Variants in CATSPERG observed in about 807,000 individuals in gnomAD.
CATSPERG encodes catsper channel auxiliary subunit gamma.
Under a neutral mutation model 145.0 loss-of-function variants are expected in CATSPERG, and 115 were observed. That is an observed-to-expected ratio of 0.79 (90% CI 0.68 to 0.93). The LOEUF (loss-of-function observed/expected upper bound fraction) is 0.93, where lower values mean the gene tolerates loss of function less well. Among genes scored for constraint, CATSPERG ranks in the 40% least tolerant of loss-of-function variants. The pLI is 0.00. For missense variants in CATSPERG, 1,296 were observed against 1,490.1 expected, an observed-to-expected ratio of 0.87 and a Z score of 2.14; for synonymous variants, 588 against 589.0, an observed-to-expected ratio of 1.00 and a Z score of 0.02.
chr19:38,345,164 C>T (rs1970019372), intron 6 of CATSPERG, among the ~76,000 whole-genome samples: 2 of 149,984 alleles, frequency 1.3e-5, no homozygotes, highest in African/African-American at 2.5e-5. Context: ...TACGATCTTG[C>T]CTCATTGTAA....
At chr19:38,364,139 G>T (rs1387187176) in intron 20 of CATSPERG, among the ~76,000 whole-genome samples, 3 of 151,892 alleles carry the variant, frequency 2.0e-5, no homozygotes, top group Non-Finnish European at 2.9e-5. Context: ...GGCCTGGCGG[G>T]GGCTGACCCC....
intron 7 of CATSPERG, 27 bp downstream of exon 7, chr19:38,346,632 C>T (rs773703930): frequency 1.8e-5 from 28 of 1,530,846 alleles, no homozygotes; most frequent in South Asian, 7.2e-5. Context: ...AGATGGTGGG[C>T]GGGGCGTCTT....
rs747830095 is a variant in CATSPERG at position 38,370,040 on chromosome 19, T to A, written c.3089T>A (p.Phe1030Tyr). The stretch of plus-strand genomic sequence containing the variant: ...CAAGGCATCTTTGCCCCTGAATTCT[T>A]CTTCAAGGTGTTGGTGAGCAATAGG... ...VPQGIFAPEF[F>Y]FKVLVSNRGV... is the part of the protein sequence containing the mutation. Residue 1030 changes from phenylalanine to tyrosine, a missense_variant, in exon 27 of 29, where the codon TTC (phenylalanine) becomes TAC (tyrosine). Phe to Tyr is a conservative substitution (Grantham distance 22). Transcript: ENST00000409235. 2 of 1,614,216 alleles carry A rather than the reference T, an allele frequency of 1.2e-6. No individual in the cohort carries two copies. Among genetic ancestry groups the A allele is most frequent in the Non-Finnish European group, 8.5e-7 (1 of 1,180,040 alleles).
At chr19:38,354,686 G>A in intron 8 of CATSPERG, 24 bp from the exon 9 acceptor site, 2 of 1,612,126 alleles carry the variant, frequency 1.2e-6, no homozygotes, top group South Asian at 2.2e-5. Flanking sequence ...ACCTGGGTCT[G>A]AGGCCCCATA....
chr19:38,345,162 T>A (rs1306478249), intron 6 of CATSPERG, among the ~76,000 whole-genome samples: 10 of 151,434 alleles, frequency 6.6e-5, no homozygotes, highest in Non-Finnish European at 1.3e-4. Context: ...GGTACGATCT[T>A]GCCTCATTGT....
rs780689309 is a variant in CATSPERG, at chr19:38,358,505, C to T, written c.1440C>T (p.Ile480=). The stretch of plus-strand genomic sequence containing the variant: ...GCACTGCAATGGCCCCCAAGGGCAT[C>T]TTCTGTAACCCGTACAACAATCTGA... ...YTSTAMAPKG[I]FCNPYNNLIF... is the part of the protein sequence containing the mutation. Residue 480 remains isoleucine, a synonymous_variant, in exon 13 of 29, where the codon ATC becomes ATT. Transcript: ENST00000409235. The T allele has an allele frequency of 1.2e-6, 2 of 1,614,228 alleles. No homozygotes were observed. The highest frequency in any genetic ancestry group is 1.7e-6 in the Non-Finnish European group (2 of 1,180,042).
intron 25 of CATSPERG, 87 bp from the exon 26 acceptor site, chr19:38,367,961 G>A: frequency 1.5e-6 from 2 of 1,303,644 alleles, no homozygotes; most frequent in Non-Finnish European, 2.2e-6. Flanking sequence ...GCACCCACCT[G>A]TGGCCTCCCT....
At chr19:38,358,647 G>A (rs1192961307) in intron 13 of CATSPERG, 86 bp downstream of exon 13, 3 of 1,536,430 alleles carry the variant, frequency 2.0e-6, no homozygotes, top group Non-Finnish European at 1.8e-6. Flanking sequence ...GCCCAGGCTA[G>A]GCAAGTCTCA....
rs1231526722 is a variant in CATSPERG at position 38,354,848 on chromosome 19, G to A, written c.1135+1G>A. The A allele has an allele frequency of 6.2e-7, 1 of 1,613,738 alleles. No homozygotes were observed. The highest frequency in any genetic ancestry group is 8.5e-7 in the Non-Finnish European group (1 of 1,179,888). ...TATGTACACTTCGGGACCATCAGAG[G>A]TAAGGGTGTGGGCCTCTGTCAGCCC... is the stretch of plus-strand genomic sequence containing the variant. On this transcript the variant is annotated splice_donor_variant, in intron 9 of 28. Coordinates refer to ENST00000409235, the MANE Select transcript of CATSPERG (RefSeq NM_021185.5). LOFTEE classifies it high-confidence loss of function.
intron 6 of CATSPERG, among the ~76,000 whole-genome samples, chr19:38,346,195 G>T (rs188926005): frequency 3.0e-4 from 46 of 152,288 alleles, no homozygotes; most frequent in Middle Eastern, 3.4e-3. Flanking sequence ...AGTTCATCAG[G>T]AGAAACAGCA....
chr19:38,345,053 T>G (rs1253871535), intron 6 of CATSPERG, among the ~76,000 whole-genome samples: 1 of 149,014 alleles, frequency 6.7e-6, no homozygotes, highest in East Asian at 2.0e-4. Flanking sequence ...ACCACGGGCA[T>G]GTACCACCAT....
chr19:38,358,097 G>A (rs1291425501), intron 11 of CATSPERG, 181 bp from the exon 12 acceptor site: 5 of 621,140 alleles, frequency 8.0e-6, no homozygotes, highest in Admixed American at 3.0e-5. Flanking sequence ...CAGCCTGGGC[G>A]ACAGGGAGAT....
intron 9 of CATSPERG, among the ~76,000 whole-genome samples, chr19:38,356,127 A>G (rs1367234510): frequency 6.6e-6 from 1 of 152,116 alleles, no homozygotes; most frequent in Non-Finnish European, 1.5e-5. Context: ...CTATTCCTCC[A>G]TGGAGGTTAA....
At position 38,337,607 on chromosome 19, in the gene CATSPERG, C is replaced by T. The variant is rs1301839208; in HGVS notation, c.285C>T (p.Phe95=). ...PIDPSEKYLG[F]PYYLKINYSC... ...TCTCTTTGCAGAAATACCTGGGCTTCCCTTACTACCTGAAGATCAACTACT... is the reference window on the plus strand; with the variant it reads ...TCTCTTTGCAGAAATACCTGGGCTTTCCTTACTACCTGAAGATCAACTACT... Residue 95 remains phenylalanine, a synonymous_variant, in exon 3 of 29, where the codon TTC becomes TTT. Transcript: ENST00000409235. The T allele has an allele frequency of 1.2e-5, 19 of 1,551,624 alleles. No homozygotes were observed. The highest frequency in any genetic ancestry group is 1.7e-5 in the Non-Finnish European group (19 of 1,147,020).
intron 3 of CATSPERG, among the ~76,000 whole-genome samples, chr19:38,338,639 C>T (rs537195604): frequency 6.6e-6 from 1 of 152,092 alleles, no homozygotes; most frequent in African/African-American, 2.4e-5. Flanking sequence ...CCTTCTGCAT[C>T]AGCCTCTTGA....
rs750560064 is a variant in CATSPERG, at chr19:38,369,990, T to C, written c.3039T>C (p.Asn1013=). 8 of 1,614,114 alleles carry C rather than the reference T, an allele frequency of 5.0e-6. No individual in the cohort carries two copies. The highest frequency in any genetic ancestry group is 2.5e-6 in the Non-Finnish European group (3 of 1,180,034). ...SPGIEWLCLE[N]APCYDNVPQG... is the part of the protein sequence containing the mutation. Reference sequence around the variant, plus strand: ...CTTGCAGGTGGCTCTGTCTGGAGAATGCCCCATGCTATGACAATGTTCCCC... The same window carrying C: ...CTTGCAGGTGGCTCTGTCTGGAGAACGCCCCATGCTATGACAATGTTCCCC... The change falls in exon 27 of 29, where the codon AAT becomes AAC. Residue 1013 remains asparagine, a synonymous_variant. Coordinates refer to ENST00000409235, the MANE Select transcript of CATSPERG (RefSeq NM_021185.5).
rs1256275093 is a variant in CATSPERG at position 38,370,062 on chromosome 19, T to C, written c.3111T>C (p.Asn1037=). The change falls in exon 27 of 29, where the codon AAT becomes AAC. Residue 1037 remains asparagine, a splice_region_variant and synonymous_variant. Coordinates refer to ENST00000409235, the MANE Select transcript of CATSPERG (RefSeq NM_021185.5). The part of the protein sequence containing the change: ...PEFFFKVLVS[N]RGVDTSTYCN... ...TCTTCTTCAAGGTGTTGGTGAGCAA[T>C]AGGTGAGCCAGGCAAGTGGCCCAGG... 6.2e-7 allele frequency: 1 copy of C among 1,614,148 alleles called. No individual in the cohort carries two copies. The highest frequency in any genetic ancestry group is 1.7e-5 in the Admixed American group (1 of 60,028).
At chr19:38,344,201 T>G in intron 5 of CATSPERG, 82 bp downstream of exon 5, 2 of 1,543,234 alleles carry the variant, frequency 1.3e-6, no homozygotes, top group Non-Finnish European at 1.8e-6. Flanking sequence ...CAGTGGGAGA[T>G]CCAAGGGAGA....
intron 14 of CATSPERG, chr19:38,359,889 G>C: frequency 8.9e-7 from 1 of 1,120,434 alleles, no homozygotes; most frequent in Non-Finnish European, 1.1e-6. Context: ...GGAGAACACA[G>C]AGTGATCAGG....
Sources: allele counts gnomAD v4.1 joint callset (sites outside exome capture counted in the v4.1 genomes callset), GRCh38; gene constraint gnomAD v4.1.1; transcripts MANE v1.5; gene names NCBI Gene and HGNC (gene_info 2026-07-23, HGNC 2026-07-21).